AFG1L: variants seen among roughly 807,000 people sequenced by gnomAD.
The protein encoded by AFG1L is AFG1-like ATPase.
Under a neutral mutation model 62.2 loss-of-function variants are expected in AFG1L, and 53 were observed. The observed-to-expected ratio is 0.85, with a 90% CI of 0.68 to 1.07. AFG1L has a LOEUF of 1.07. Ranked by LOEUF, AFG1L falls within the 50% of genes least tolerant of loss-of-function variation. AFG1L has a pLI of 0.00. For synonymous variants in AFG1L, 228 were observed against 210.3 expected, an observed-to-expected ratio of 1.08 and a Z score of -0.73; for missense variants, 555 against 590.5, an observed-to-expected ratio of 0.94 and a Z score of 0.62.
chr6:108,366,866 A>C (rs901178702), intron 6 of AFG1L, among the ~76,000 whole-genome samples: 36 of 152,310 alleles, frequency 2.4e-4, no homozygotes, highest in African/African-American at 6.5e-4. Flanking sequence ...TCAGCCCATC[A>C]CGTGCTCAGT....
intron 6 of AFG1L, among the ~76,000 whole-genome samples, chr6:108,400,903 G>A (rs1781571492): frequency 7.2e-6 from 1 of 139,218 alleles, no homozygotes; most frequent in South Asian, 2.1e-4. Flanking sequence ...TATATATAAT[G>A]CAAATACATG....
At chr6:108,464,477 C>T (rs1772589750) in intron 8 of AFG1L, among the ~76,000 whole-genome samples, 1 of 152,170 alleles carries the variant, frequency 6.6e-6, no homozygotes, top group South Asian at 2.1e-4. Context: ...TCGCAAAGCA[C>T]TCAGGCTTTT....
At chr6:108,318,977 T>C (rs1291727066) in intron 1 of AFG1L, among the ~76,000 whole-genome samples, 1 of 152,248 alleles carries the variant, frequency 6.6e-6, no homozygotes, top group Non-Finnish European at 1.5e-5. Context: ...CTGGCCAATC[T>C]GTCAGCCTTG....
At chr6:108,466,014 A>G (rs548366741) in intron 8 of AFG1L, among the ~76,000 whole-genome samples, 10 of 152,032 alleles carry the variant, frequency 6.6e-5, no homozygotes, top group Non-Finnish European at 1.3e-4. Context: ...TACACTATGG[A>G]TTAAGTCTTT....
rs1476231937 is a variant in AFG1L, at chr6:108,522,625, T to A, written c.*200T>A. ...CATTTTTTAGGTCTGCTTTTTCTTATTTGGCCTTATTTCTGCACCATGAAA... is the reference window on the plus strand; with the variant it reads ...CATTTTTTAGGTCTGCTTTTTCTTAATTGGCCTTATTTCTGCACCATGAAA... On this transcript the variant is annotated 3_prime_UTR_variant, in exon 13 of 13. Transcript: ENST00000368977. The A allele has an allele frequency of 2.4e-6, 1 of 421,796 alleles. No individual in the cohort carries two copies. Among genetic ancestry groups the A allele is most frequent in the East Asian group, 4.0e-5 (1 of 24,696 alleles). 26.1% of individuals were successfully genotyped at this position (421,796 alleles called of 1,614,324 possible). A position where few individuals can be genotyped will look rare whatever the true frequency, so the allele number is the denominator to read the frequency against.
At chr6:108,361,526 A>G (rs1562108378) in intron 5 of AFG1L, among the ~76,000 whole-genome samples, 3 of 152,140 alleles carry the variant, frequency 2.0e-5, no homozygotes, top group African/African-American at 7.2e-5. Flanking sequence ...CGGGGTAACT[A>G]TGTTTGTGAG....
chr6:108,330,793 C>T (rs992491739), intron 2 of AFG1L, among the ~76,000 whole-genome samples: 2 of 152,174 alleles, frequency 1.3e-5, no homozygotes, highest in Non-Finnish European at 1.5e-5. Flanking sequence ...ATAACAAATA[C>T]TATTTCTCAA....
intron 6 of AFG1L, among the ~76,000 whole-genome samples, chr6:108,369,400 A>G (rs536784231): frequency 3.3e-5 from 5 of 152,322 alleles, no homozygotes; most frequent in Admixed American, 6.5e-5. Context: ...ACTAGAACTT[A>G]GGTTTTGTGA....
intron 10 of AFG1L, among the ~76,000 whole-genome samples, chr6:108,499,942 G>GCC (rs1452632863): frequency 6.6e-6 from 1 of 151,944 alleles, no homozygotes; most frequent in Non-Finnish European, 1.5e-5. Context: ...TCTAACCCTT[G>GCC]CCCCCTTTTC....
intron 1 of AFG1L, among the ~76,000 whole-genome samples, chr6:108,297,292 G>A (rs1776799098): frequency 6.6e-6 from 1 of 151,988 alleles, no homozygotes; most frequent in African/African-American, 2.4e-5. Context: ...ATTTTTAGTA[G>A]AGATGGGGTT....
chr6:108,365,645 G>A (rs1195030041), intron 5 of AFG1L, among the ~76,000 whole-genome samples: 1 of 151,866 alleles, frequency 6.6e-6, no homozygotes, highest in Non-Finnish European at 1.5e-5. Context: ...TTTGTGATGG[G>A]CCATCTGTTG....
At chr6:108,516,466 A>C (rs1258357562) in intron 11 of AFG1L, among the ~76,000 whole-genome samples, 1 of 152,212 alleles carries the variant, frequency 6.6e-6, no homozygotes, top group African/African-American at 2.4e-5. Flanking sequence ...TCATGCTAAA[A>C]ACTCTCAATA....
intron 6 of AFG1L, among the ~76,000 whole-genome samples, chr6:108,397,198 T>C (rs1781351550): frequency 6.6e-6 from 1 of 152,090 alleles, no homozygotes; most frequent in African/African-American, 2.4e-5. Context: ...CTGGCTAATT[T>C]TTTTTTGCAA....
At chr6:108,355,163 A>G (rs1464157021) in intron 3 of AFG1L, among the ~76,000 whole-genome samples, 1 of 148,016 alleles carries the variant, frequency 6.8e-6, no homozygotes, top group African/African-American at 2.5e-5. Flanking sequence ...CTGGTCTTGA[A>G]CTCTTGGGCT....
intron 3 of AFG1L, among the ~76,000 whole-genome samples, chr6:108,348,468 A>C (rs750854094): frequency 5.3e-5 from 8 of 152,190 alleles, no homozygotes; most frequent in Non-Finnish European, 1.0e-4. Flanking sequence ...CCTTGCATTG[A>C]ATGTCCGTTT....
At chr6:108,456,259 T>G (rs1383371869) in intron 8 of AFG1L, among the ~76,000 whole-genome samples, 2 of 152,134 alleles carry the variant, frequency 1.3e-5, no homozygotes, top group Non-Finnish European at 2.9e-5. Context: ...TTTTTAAAAT[T>G]AGTGTTTGCA....
chr6:108,390,293 C>A (rs562673043), intron 6 of AFG1L, among the ~76,000 whole-genome samples: 1 of 152,252 alleles, frequency 6.6e-6, no homozygotes, highest in African/African-American at 2.4e-5. Flanking sequence ...AGGTTTTTAG[C>A]TTCTTTGAGT....
chr6:108,520,112 C>A (rs1440661705), intron 12 of AFG1L: 1 of 236,094 alleles, frequency 4.2e-6, no homozygotes, highest in Non-Finnish European at 8.4e-6. Context: ...TAATGGCAGG[C>A]CAGAGCTGGA....
chr6:108,442,563 G>A (rs534189622), intron 7 of AFG1L, among the ~76,000 whole-genome samples: 42 of 152,228 alleles, frequency 2.8e-4, no homozygotes, highest in Non-Finnish European at 5.6e-4. Flanking sequence ...ATTGCAGGGA[G>A]CCATGACTTT....
Sources: gnomAD v4.1 joint callset for allele counts (sites outside exome capture counted in the v4.1 genomes callset) on GRCh38, gnomAD v4.1.1 for gene constraint, MANE v1.5 for transcripts, NCBI Gene and HGNC (gene_info 2026-07-23, HGNC 2026-07-21) for gene names.